Variants in ACYP2 observed in about 807,000 individuals in gnomAD.
ACYP2 encodes acylphosphatase-2.
Under a neutral mutation model 11.2 loss-of-function variants are expected in ACYP2, and 12 were observed. That is an observed-to-expected ratio of 1.08 (90% CI 0.69 to 1.74). The LOEUF (loss-of-function observed/expected upper bound fraction) is 1.74. Among genes scored for constraint, ACYP2 ranks in the 40% most tolerant of loss-of-function variants. The pLI is 0.00. For synonymous variants in ACYP2, 43 were observed against 32.2 expected (o/e 1.33, Z -1.13); for missense variants, 134 against 101.9 (o/e 1.31, Z -1.35).
intron 6 of ACYP2, among the ~76,000 whole-genome samples, chr2:54,183,129 T>A (rs1683815984): frequency 6.6e-6 from 1 of 152,232 alleles, no homozygotes; most frequent in Non-Finnish European, 1.5e-5. Context: ...TCCGCCTTGA[T>A]AACTAAACCT....
chr2:54,158,394 C>T (rs193204866), intron 6 of ACYP2, among the ~76,000 whole-genome samples: 56 of 151,692 alleles, frequency 3.7e-4, no homozygotes, highest in African/African-American at 1.3e-3. Context: ...TTTGTAGAGA[C>T]GGGGTCTCAC....
intron 4 of ACYP2, among the ~76,000 whole-genome samples, chr2:54,081,117 G>T (rs1465222895): frequency 6.6e-6 from 1 of 152,232 alleles, no homozygotes; most frequent in East Asian, 1.9e-4. Context: ...GGCAGACAAT[G>T]AATTCTGTGA....
intron 2 of ACYP2, among the ~76,000 whole-genome samples, chr2:53,980,267 T>G (rs1671684207): frequency 6.6e-6 from 1 of 152,004 alleles, no homozygotes; most frequent in Admixed American, 6.6e-5. Context: ...GTGGGAGGAC[T>G]GCTTAAACCT....
chr2:54,212,616 T>C (rs2103933307), intron 6 of ACYP2, among the ~76,000 whole-genome samples: 1 of 152,200 alleles, frequency 6.6e-6, no homozygotes, highest in East Asian at 1.9e-4. Context: ...ACATAGCTTA[T>C]TGAATGTGAC....
chr2:54,301,763 G>A (rs150548304), intron 6 of ACYP2, among the ~76,000 whole-genome samples: 1 of 152,126 alleles, frequency 6.6e-6, no homozygotes, highest in East Asian at 1.9e-4. Context: ...TTTGCTTGGA[G>A]AACTCTTAGT....
At chr2:54,185,323 C>A (rs1306438603) in intron 6 of ACYP2, among the ~76,000 whole-genome samples, 3 of 152,158 alleles carry the variant, frequency 2.0e-5, no homozygotes, top group African/African-American at 7.2e-5. Flanking sequence ...GGCAGCCATT[C>A]TATGCCCATG....
chr2:54,135,376 T>G, intron 4 of ACYP2, 77 bp from the exon 2 acceptor site: 1 of 1,426,796 alleles, frequency 7.0e-7, no homozygotes, highest in Non-Finnish European at 9.7e-7. Flanking sequence ...ACCACCTAGA[T>G]AAAAGTTAAG....
intron 6 of ACYP2, among the ~76,000 whole-genome samples, chr2:54,233,181 T>C (rs1686317466): frequency 6.6e-6 from 1 of 152,150 alleles, no homozygotes; most frequent in African/African-American, 2.4e-5. Context: ...ACTTTAGCTA[T>C]AATGGCATAT....
intron 4 of ACYP2, among the ~76,000 whole-genome samples, chr2:54,114,388 A>T (rs1305177886): frequency 1.3e-5 from 2 of 151,568 alleles, no homozygotes; most frequent in Non-Finnish European, 2.9e-5. Context: ...ATCAAAAAAA[A>T]AAAAAAAAAA....
chr2:54,184,237 G>T (rs533726558), intron 6 of ACYP2, among the ~76,000 whole-genome samples: 66 of 152,244 alleles, frequency 4.3e-4, no homozygotes, highest in African/African-American at 1.5e-3. Context: ...GACATACAAA[G>T]AAACATTTCT....
chr2:53,995,466 AT>A (rs147144372), intron 2 of ACYP2, among the ~76,000 whole-genome samples: 3 of 148,174 alleles, frequency 2.0e-5, no homozygotes, highest in Admixed American at 1.3e-4. Context: ...CAATGCTATT[AT>A]TTTTTATTTA....
intron 6 of ACYP2, chr2:54,141,753 C>A (rs1681614156): frequency 2.3e-6 from 1 of 431,974 alleles, no homozygotes; most frequent in Non-Finnish European, 4.2e-6. Flanking sequence ...GATACTTTTA[C>A]CTATTTAACT....
chr2:54,201,648 TTC>T (rs1455305214), intron 6 of ACYP2, among the ~76,000 whole-genome samples: 30 of 91,832 alleles, frequency 3.3e-4, no homozygotes, highest in African/African-American at 7.4e-4. Flanking sequence ...CTTTCTTTCT[TTC>T]TTTCTTTCTT....
chr2:54,110,168 A>G (rs1257089861), intron 4 of ACYP2, among the ~76,000 whole-genome samples: 1 of 152,226 alleles, frequency 6.6e-6, no homozygotes, highest in Non-Finnish European at 1.5e-5. Context: ...ATTAGAGAAT[A>G]GTATAATGAA....
At chr2:54,156,576 C>G (rs947022205) in intron 6 of ACYP2, among the ~76,000 whole-genome samples, 1 of 152,220 alleles carries the variant, frequency 6.6e-6, no homozygotes, top group Non-Finnish European at 1.5e-5. Context: ...ATCCACGTCC[C>G]TGCAAAGGAC....
At chr2:54,135,788 A>G (rs1681192226) in intron 5 of ACYP2, among the ~76,000 whole-genome samples, 1 of 152,208 alleles carries the variant, frequency 6.6e-6, no homozygotes. Flanking sequence ...GATGGAAGAA[A>G]TCCTCTAGGC....
intron 4 of ACYP2, among the ~76,000 whole-genome samples, chr2:54,078,536 ATATT>A (rs1040989235): frequency 7.9e-5 from 12 of 151,748 alleles, no homozygotes; most frequent in East Asian, 1.9e-4. Context: ...TCTTGAACAA[ATATT>A]TATTTATTTC....
At chr2:54,127,344 A>G (rs1389937825) in intron 4 of ACYP2, among the ~76,000 whole-genome samples, 1 of 152,016 alleles carries the variant, frequency 6.6e-6, no homozygotes, top group Non-Finnish European at 1.5e-5. Context: ...AAACAACAAC[A>G]CCGTTATATG....
rs6756174 is a variant in ACYP2, at chr2:54,124,972, T to A, written c.278-10481T>A. ...TTTCACCATGTTGCCCAGGCTGGTC[T>A]TGAACTCTGGACTCAAGCAATTCAT... On this transcript the variant is annotated intron_variant, in intron 4 of 6. Transcript: ENST00000607452. Among the ~76,000 whole-genome samples, 142 of 152,332 alleles carry A rather than the reference T, an allele frequency of 9.3e-4. 1 individual carries two copies. The highest frequency in any genetic ancestry group is 3.3e-3 in the African/African-American group (139 of 41,582).
Sources: gnomAD v4.1 joint callset for allele counts (sites outside exome capture counted in the v4.1 genomes callset) on GRCh38, gnomAD v4.1.1 for gene constraint, MANE v1.5 for transcripts, NCBI Gene and HGNC (gene_info 2026-07-23, HGNC 2026-07-21) for gene names.